ANO3: variants seen among roughly 807,000 people sequenced by gnomAD.
ANO3 encodes anoctamin 3, also known as anoctamin-3.
Under a neutral mutation model 144.8 loss-of-function variants are expected in ANO3, and 99 were observed. The observed-to-expected ratio is 0.68, with a 90% confidence interval of 0.58 to 0.81. The LOEUF (loss-of-function observed/expected upper bound fraction) is 0.81. ANO3 is among the 30% of genes least tolerant of loss of function. ANO3 has a pLI of 0.00. For synonymous variants in ANO3, 414 were observed against 392.6 expected, an observed-to-expected ratio of 1.05 and a Z score of -0.64; for missense variants, 905 against 1,202.2, an observed-to-expected ratio of 0.75 and a Z score of 3.66.
chr11:26,222,023 T>C (rs1018130740), intron 1 of ANO3, among the ~76,000 whole-genome samples: 1 of 152,132 alleles, frequency 6.6e-6, no homozygotes, highest in Admixed American at 6.6e-5. Flanking sequence ...AATATAATCA[T>C]CCCTTCCCAA....
intron 14 of ANO3, among the ~76,000 whole-genome samples, chr11:26,589,076 A>G (rs1851368401): frequency 5.3e-5 from 8 of 152,178 alleles, no homozygotes; most frequent in Admixed American, 5.2e-4. Flanking sequence ...CAACCAACCA[A>G]CCAACAAAAA....
chr11:26,289,703 T>C (rs1398183297), intron 1 of ANO3, among the ~76,000 whole-genome samples: 2 of 108,822 alleles, frequency 1.8e-5, no homozygotes, highest in Non-Finnish European at 4.1e-5. Context: ...TATATGTGTA[T>C]ATATATTCTA....
chr11:26,644,840 CACACACACAT>C (rs1411192405), intron 23 of ANO3, among the ~76,000 whole-genome samples: 1 of 151,762 alleles, frequency 6.6e-6, no homozygotes, highest in African/African-American at 2.4e-5. Flanking sequence ...CACACACACA[CACACACACAT>C]ACCATATATA....
intron 1 of ANO3, among the ~76,000 whole-genome samples, chr11:26,414,119 G>A (rs1049465150): frequency 1.3e-5 from 2 of 152,052 alleles, no homozygotes; most frequent in Admixed American, 6.6e-5. Context: ...TGAAGAAATA[G>A]GAATGCTTTT....
chr11:26,299,023 G>A (rs1854156364), intron 1 of ANO3, among the ~76,000 whole-genome samples: 1 of 152,190 alleles, frequency 6.6e-6, no homozygotes, highest in African/African-American at 2.4e-5. Flanking sequence ...CTGGACTGGA[G>A]ATGTACGTTT....
At chr11:26,200,901 T>C (rs1474210402) in intron 1 of ANO3, among the ~76,000 whole-genome samples, 1 of 152,188 alleles carries the variant, frequency 6.6e-6, no homozygotes. Flanking sequence ...GAACCTTCCT[T>C]GATTAACACC....
At position 26,344,065 on chromosome 11, in the gene ANO3, A is replaced by G. The variant is rs1855435086; in HGVS notation, c.46+11744A>G. ...TTTCAGAATAATAGGATTTAAATTC[A>G]GAAATCAAAATTATCTCTGAATTTG... On this transcript the variant is annotated intron_variant, in intron 1 of 26. Coordinates refer to ENST00000256737, the MANE Select transcript of ANO3 (RefSeq NM_031418.4). Among the ~76,000 whole-genome samples the G allele has an allele frequency of 3.3e-5, 5 of 152,238 alleles. No homozygotes were observed. The South Asian group carries it at 1.0e-3, about 31-fold the overall frequency.
intron 14 of ANO3, among the ~76,000 whole-genome samples, chr11:26,561,700 AG>A (rs1381106431): frequency 1.3e-5 from 2 of 152,002 alleles, no homozygotes; most frequent in Admixed American, 1.3e-4. Context: ...AGATAAAAAA[AG>A]TATTTGTGGG....
At chr11:26,253,294 G>T (rs1330261086) in intron 1 of ANO3, among the ~76,000 whole-genome samples, 1 of 152,118 alleles carries the variant, frequency 6.6e-6, no homozygotes, top group Admixed American at 6.6e-5. Flanking sequence ...TAGCAAACTA[G>T]CACAGGAGCA....
chr11:26,266,808 G>A (rs1853319222), intron 1 of ANO3, among the ~76,000 whole-genome samples: 1 of 151,562 alleles, frequency 6.6e-6, no homozygotes, highest in African/African-American at 2.4e-5. Context: ...TCAGCCGGGT[G>A]TGGTGGCTCA....
At chr11:26,240,540 C>T (rs1406505774) in intron 1 of ANO3, among the ~76,000 whole-genome samples, 2 of 152,208 alleles carry the variant, frequency 1.3e-5, no homozygotes, top group Admixed American at 6.5e-5. Context: ...TCCTCATGTT[C>T]CCTGGTTTTG....
chr11:26,249,939 T>C (rs1391055705), intron 1 of ANO3, among the ~76,000 whole-genome samples: 1 of 152,172 alleles, frequency 6.6e-6, no homozygotes, highest in African/African-American at 2.4e-5. Context: ...TCTCAATATG[T>C]CACCTCCACT....
intron 1 of ANO3, among the ~76,000 whole-genome samples, chr11:26,360,007 A>T (rs1318214115): frequency 6.6e-6 from 1 of 151,936 alleles, no homozygotes; most frequent in African/African-American, 2.4e-5. Context: ...CTATATTAAT[A>T]TATGAATAAT....
chr11:26,313,626 G>T (rs1350578922), intron 1 of ANO3, among the ~76,000 whole-genome samples: 2 of 151,994 alleles, frequency 1.3e-5, no homozygotes, highest in South Asian at 2.1e-4. Flanking sequence ...GGCAGAGGTT[G>T]CAGTGAGCTG....
intron 1 of ANO3, among the ~76,000 whole-genome samples, chr11:26,211,820 A>G (rs924989884): frequency 6.6e-6 from 1 of 152,212 alleles, no homozygotes; most frequent in African/African-American, 2.4e-5. Flanking sequence ...CCAAATGTCC[A>G]TCAATTATAG....
chr11:26,626,253 A>G (rs1359986220), intron 18 of ANO3, among the ~76,000 whole-genome samples: 2 of 132,142 alleles, frequency 1.5e-5, no homozygotes, highest in Non-Finnish European at 1.8e-5. Context: ...ATTGATATCC[A>G]TTGTGTCCTG....
rs1319968891 is a variant in ANO3, at chr11:26,404,874, C to CTAAAT, written c.47-37043_47-37039dup. ...GAATTAAGTTTTCAAGATTACATTACTAAATCTTGGAAGATTTGCTAATAA... is the reference window on the plus strand; with the variant it reads ...GAATTAAGTTTTCAAGATTACATTACTAAATTAAATCTTGGAAGATTTGCTAATAA... On this transcript the variant is annotated intron_variant, in intron 1 of 26. Transcript: ENST00000256737. Among the ~76,000 whole-genome samples the CTAAAT allele has an allele frequency of 1.8e-4, 27 of 150,800 alleles. No homozygotes were observed. In the East Asian group the frequency reaches 5.1e-3, roughly 29 times the overall value.
chr11:26,531,064 T>C, intron 7 of ANO3, 141 bp from the exon 8 acceptor site: 1 of 812,048 alleles, frequency 1.2e-6, no homozygotes, highest in Non-Finnish European at 1.9e-6. Context: ...ACAGAAGCAA[T>C]GCACGTGTAT....
At position 26,661,398 on chromosome 11, in the gene ANO3, A is replaced by C. The variant is rs1007873311; in HGVS notation, c.*954A>C. ...TTTGCACCTTGACAGTACGTAGTAT[A>C]CATTGTGGTTTATGCAGCTCTGACA... On this transcript the variant is annotated 3_prime_UTR_variant, in exon 27 of 27. Transcript: ENST00000256737. 1 of 152,554 alleles carries C rather than the reference A, an allele frequency of 6.6e-6. No homozygotes were observed. The highest frequency in any genetic ancestry group is 1.5e-5 in the Non-Finnish European group (1 of 68,016). 9.5% of individuals were successfully genotyped at this position (152,554 alleles called of 1,614,324 possible). A position where few individuals can be genotyped will look rare whatever the true frequency, so the allele number is the denominator to read the frequency against.
Sources: gnomAD v4.1 joint callset for allele counts (sites outside exome capture counted in the v4.1 genomes callset) on GRCh38, gnomAD v4.1.1 for gene constraint, MANE v1.5 for transcripts, NCBI Gene and HGNC (gene_info 2026-07-23, HGNC 2026-07-21) for gene names.